The following CACNB4 variants were observed in gnomAD, a reference collection of about 807,000 sequenced individuals.
The protein encoded by CACNB4 is voltage-dependent L-type calcium channel subunit beta-4.
CACNB4 carries 32 observed loss-of-function variants against 71.2 expected under a neutral mutation model. The observed-to-expected ratio is 0.45, with a 90% CI of 0.34 to 0.60. The LOEUF (loss-of-function observed/expected upper bound fraction) is 0.60. CACNB4 is among the 20% of genes least tolerant of loss of function. The pLI, the probability that CACNB4 is intolerant of heterozygous loss-of-function variation, is 0.01. For missense variants in CACNB4, 464 were observed against 647.9 expected (o/e 0.72, Z 3.08); for synonymous variants, 231 against 236.9 (o/e 0.97, Z 0.23).
intron 2 of CACNB4, among the ~76,000 whole-genome samples, chr2:152,003,303 G>A (rs1192259083): frequency 2.0e-5 from 3 of 151,968 alleles, no homozygotes; most frequent in African/African-American, 2.4e-5. Context: ...AAAATTAGCC[G>A]GGCCTGGTGG....
At chr2:152,008,041 G>T (rs1682829936) in intron 2 of CACNB4, among the ~76,000 whole-genome samples, 1 of 151,774 alleles carries the variant, frequency 6.6e-6, no homozygotes. Context: ...CAAAGTGCTG[G>T]GATTAGGTGC....
intron 2 of CACNB4, among the ~76,000 whole-genome samples, chr2:151,926,377 C>T (rs889373602): frequency 2.0e-5 from 3 of 151,904 alleles, no homozygotes; most frequent in Admixed American, 6.6e-5. Context: ...CATTGGCAAC[C>T]CTGACAAGAA....
At position 151,880,822 on chromosome 2, in the gene CACNB4, T is replaced by G. The variant is rs753508642; in HGVS notation, c.368A>C (p.Lys123Thr). 10 of 1,613,244 alleles carry G rather than the reference T, an allele frequency of 6.2e-6. No individual in the cohort carries two copies. Residue 123 changes from lysine to threonine, a missense_variant, in exon 4 of 14, where the codon AAA becomes ACA. Transcript: ENST00000539935. ...TACCTCTTTAATATGTAGAAAGTCT[T>G]TAGCATCAAAGGAGATAGCTGTGCT... ...VPSTAISFDA[K>T]DFLHIKEKYN...
chr2:152,010,125 G>A (rs1682972630), intron 2 of CACNB4, among the ~76,000 whole-genome samples: 1 of 152,206 alleles, frequency 6.6e-6, no homozygotes, highest in South Asian at 2.1e-4. Context: ...CATTCTAACA[G>A]GGGTGACTTC....
intron 2 of CACNB4, among the ~76,000 whole-genome samples, chr2:152,015,388 C>T (rs533967277): frequency 6.6e-6 from 1 of 152,346 alleles, no homozygotes; most frequent in East Asian, 1.9e-4. Context: ...ACCTCAGCTT[C>T]CCAAAGTGCT....
intron 2 of CACNB4, among the ~76,000 whole-genome samples, chr2:152,083,358 A>C (rs7563946): frequency 1.4e-4 from 4 of 28,630 alleles, no homozygotes. Context: ...GGAAGGGAGG[A>C]AGGAAGGAAG....
At chr2:151,907,986 T>A (rs573498746) in intron 2 of CACNB4, among the ~76,000 whole-genome samples, 1 of 152,258 alleles carries the variant, frequency 6.6e-6, no homozygotes, top group South Asian at 2.1e-4. Context: ...CACAGGAGGA[T>A]TGAAAGTTCT....
Position 151,837,994 on chromosome 2 carries a change from T to C in CACNB4, c.*1125A>G, listed in dbSNP as rs1317502280. 6.6e-6 allele frequency: 1 copy of C among 152,192 alleles called. No homozygotes were observed. Among genetic ancestry groups the C allele is most frequent in the African/African-American group, 2.4e-5 (1 of 41,452 alleles). 9.4% of individuals were successfully genotyped at this position (152,192 alleles called of 1,614,324 possible). A position where few individuals can be genotyped will look rare whatever the true frequency, so the allele number is the denominator to read the frequency against. ...GTGTGTCCACATAAAACGAAATTCC[T>C]TAGCATGATTTAAAGAATTTGTTGA... On this transcript the variant is annotated 3_prime_UTR_variant, in exon 14 of 14. Coordinates refer to ENST00000539935, the MANE Select transcript of CACNB4 (RefSeq NM_000726.5).
intron 2 of CACNB4, among the ~76,000 whole-genome samples, chr2:152,025,525 G>T (rs1356861805): frequency 1.3e-5 from 2 of 152,212 alleles, no homozygotes; most frequent in East Asian, 3.8e-4. Flanking sequence ...TAAATGCAAA[G>T]GAAGTGGCTG....
At chr2:151,918,799 T>C (rs541544112) in intron 2 of CACNB4, among the ~76,000 whole-genome samples, 3 of 152,318 alleles carry the variant, frequency 2.0e-5, no homozygotes, top group South Asian at 2.1e-4. Context: ...CCCTCGCACA[T>C]AGGCAGAACT....
At chr2:152,005,588 C>T (rs1364150416) in intron 2 of CACNB4, among the ~76,000 whole-genome samples, 1 of 152,092 alleles carries the variant, frequency 6.6e-6, no homozygotes, top group Admixed American at 6.5e-5. Context: ...GTGAAGGGAT[C>T]CATAGAAACA....
chr2:152,003,424 C>T lies in CACNB4; in HGVS notation c.147+94906G>A, dbSNP rs539085114. Among the ~76,000 whole-genome samples the T allele has an allele frequency of 5.3e-5, 8 of 150,366 alleles. No individual in the cohort carries two copies. In the South Asian group the frequency reaches 6.3e-4, roughly 12 times the overall value. ...TTGTGCCACTGCACTCCAGCCTGGG[C>T]GACAGACCAAGATTCCATCTAAAAA... On this transcript the variant is annotated intron_variant, in intron 2 of 13. Coordinates refer to ENST00000539935, the MANE Select transcript of CACNB4 (RefSeq NM_000726.5).
At chr2:152,053,781 C>T (rs973804590) in intron 2 of CACNB4, among the ~76,000 whole-genome samples, 2 of 152,122 alleles carry the variant, frequency 1.3e-5, no homozygotes, top group African/African-American at 4.8e-5. Flanking sequence ...GCCTCACCCT[C>T]CCAAAAGTGC....
intron 2 of CACNB4, among the ~76,000 whole-genome samples, chr2:152,097,337 C>T (rs374623717): frequency 6.6e-6 from 1 of 152,192 alleles, no homozygotes; most frequent in Non-Finnish European, 1.5e-5. Flanking sequence ...TTACACAATA[C>T]TGAGTGACCT....
intron 2 of CACNB4, among the ~76,000 whole-genome samples, chr2:152,076,145 T>TC (rs1687000689): frequency 7.6e-6 from 1 of 132,280 alleles, no homozygotes; most frequent in African/African-American, 2.8e-5. Context: ...TCTTTTTTTT[T>TC]TTTTTTTTTT....
intron 2 of CACNB4, among the ~76,000 whole-genome samples, chr2:151,899,827 T>G (rs1559959141): frequency 1.3e-5 from 2 of 152,130 alleles, no homozygotes; most frequent in African/African-American, 2.4e-5. Context: ...GCCTGTACCT[T>G]AGTACAATGG....
At chr2:152,081,755 T>C (rs1204692899) in intron 2 of CACNB4, among the ~76,000 whole-genome samples, 3 of 152,200 alleles carry the variant, frequency 2.0e-5, no homozygotes, top group South Asian at 2.1e-4. Flanking sequence ...TTTAAAAAAA[T>C]ATATCCACCA....
At chr2:151,999,376 G>T (rs1579100525) in intron 2 of CACNB4, among the ~76,000 whole-genome samples, 4 of 147,548 alleles carry the variant, frequency 2.7e-5, no homozygotes, top group African/African-American at 5.0e-5. Flanking sequence ...CCCTGTTATG[G>T]TTTTTTTTTT....
At chr2:151,988,700 G>A (rs1681516801) in intron 2 of CACNB4, among the ~76,000 whole-genome samples, 2 of 152,144 alleles carry the variant, frequency 1.3e-5, no homozygotes, top group African/African-American at 4.8e-5. Flanking sequence ...GAGTGGTAGA[G>A]AGAGGAGGCT....
Sources: gnomAD v4.1 joint callset for allele counts (sites outside exome capture counted in the v4.1 genomes callset) on GRCh38, gnomAD v4.1.1 for gene constraint, MANE v1.5 for transcripts, NCBI Gene and HGNC (gene_info 2026-07-23, HGNC 2026-07-21) for gene names.